Variants in RAD51 observed in about 807,000 individuals in gnomAD.
RAD51 encodes RAD51 recombinase, also known as DNA repair protein RAD51 homolog 1.
Under a neutral mutation model 41.5 loss-of-function variants are expected in RAD51, and 14 were observed. The ratio of observed to expected loss-of-function variants is 0.34; its 90% CI spans 0.22 to 0.53. The LOEUF (loss-of-function observed/expected upper bound fraction) is 0.53. Ranked by LOEUF, RAD51 falls within the 20% of genes least tolerant of loss-of-function variation. The probability of loss-of-function intolerance (pLI) is 0.95; values close to 1 mark genes in which losing one functional copy is unlikely to be tolerated. For synonymous variants in RAD51, 136 were observed against 148.6 expected (o/e 0.92, Z 0.62); for missense variants, 234 against 422.0 (o/e 0.55, Z 3.90).
At chr15:40,701,946 G>A (rs771052088) in intron 3 of RAD51, 2 of 305,412 alleles carry the variant, frequency 6.5e-6, no homozygotes, top group South Asian at 2.5e-5. Flanking sequence ...ACCACACCCA[G>A]CTAATTTTTG....
At chr15:40,711,936 G>A (rs759537408) in intron 5 of RAD51, among the ~76,000 whole-genome samples, 1 of 151,948 alleles carries the variant, frequency 6.6e-6, no homozygotes, top group African/African-American at 2.4e-5. Flanking sequence ...TTAGCCAGAC[G>A]TGGGCTGTGC....
chr15:40,729,772 T>G lies in RAD51; in HGVS notation c.775-81T>G, dbSNP rs867343661. On this transcript the variant is annotated intron_variant, in intron 8 of 9. Coordinates refer to ENST00000267868, the MANE Select transcript of RAD51 (RefSeq NM_002875.5). The stretch of plus-strand genomic sequence containing the variant: ...AGAGAGACATTAGTTATTCGTTATT[T>G]TGTGGGGGAAAGTGGTGGCAGCATT... 2.5e-5 allele frequency: 41 copies of G among 1,611,696 alleles called. No homozygotes were observed. The Admixed American group carries it at 4.3e-4, about 17-fold the overall frequency.
At chr15:40,720,384 T>C (rs1896210152) in intron 6 of RAD51, among the ~76,000 whole-genome samples, 1 of 151,990 alleles carries the variant, frequency 6.6e-6, no homozygotes, top group Non-Finnish European at 1.5e-5. Flanking sequence ...CACCCGGCCT[T>C]AATGGTGAAA....
chr15:40,718,836 A>G lies in RAD51; in HGVS notation c.467A>G (p.Lys156Arg). The change falls in exon 6 of 10, where the codon AAG becomes AGG. Residue 156 changes from lysine (K) to arginine (R), a missense_variant. Physicochemically the swap from Lys to Arg is conservative, Grantham distance 26. Transcript: ENST00000267868. ...LPIDRGGGEG[K>R]AMYIDTEGTF... is the part of the protein sequence containing the mutation. ...ATTGACCGGGGTGGAGGTGAAGGAAAGGCCATGTACATTGACACTGAGGGT... is the reference window on the plus strand; with the variant it reads ...ATTGACCGGGGTGGAGGTGAAGGAAGGGCCATGTACATTGACACTGAGGGT... 1 of 1,613,490 alleles carries G rather than the reference A, an allele frequency of 6.2e-7. No individual in the cohort carries two copies. Among genetic ancestry groups the G allele is most frequent in the Non-Finnish European group, 8.5e-7 (1 of 1,179,510 alleles).
chr15:40,701,352 TTTTCTTTTCTTTTTTTTTTCTTTC>T lies in RAD51; in HGVS notation c.225+155_225+178del. On this transcript the variant is annotated intron_variant, in intron 3 of 9. Coordinates refer to ENST00000267868, the MANE Select transcript of RAD51 (RefSeq NM_002875.5). Reference sequence around the variant, plus strand: ...GTTACCTGTTTCTTTTCTTCTTTTCTTTTCTTTTCTTTTTTTTTTCTTTCTTTTTTTTTTTTTTTGGAGACGGGT... The same window carrying T: ...GTTACCTGTTTCTTTTCTTCTTTTCTTTTTTTTTTTTTTTTGGAGACGGGT... 9.2e-6 allele frequency: 8 copies of T among 872,278 alleles called. No individual in the cohort carries two copies. The South Asian group carries it at 1.0e-4, about 11-fold the overall frequency. The allele number at this position is 872,278 out of a possible 1,614,324, so 54.0% of individuals were successfully genotyped here.
chr15:40,708,171 C>T (rs1567042548), intron 4 of RAD51, among the ~76,000 whole-genome samples: 1 of 151,502 alleles, frequency 6.6e-6, no homozygotes, highest in Non-Finnish European at 1.5e-5. Context: ...GCATGCACCA[C>T]CATGCCCAGC....
At chr15:40,697,578 T>C (rs143108093) in intron 1 of RAD51, among the ~76,000 whole-genome samples, 23 of 139,706 alleles carry the variant, frequency 1.6e-4, no homozygotes, top group Non-Finnish European at 2.8e-4. Flanking sequence ...ATATTTCTTT[T>C]TTTTTTTTTT....
At chr15:40,709,000 G>C in intron 4 of RAD51, 25 bp from the exon 5 acceptor site, 2 of 1,563,314 alleles carry the variant, frequency 1.3e-6, no homozygotes, top group African/African-American at 1.4e-5. Context: ...ATTATGCTAA[G>C]AGTTATTTCT....
At chr15:40,715,109 G>C (rs1895920067) in intron 5 of RAD51, among the ~76,000 whole-genome samples, 1 of 152,244 alleles carries the variant, frequency 6.6e-6, no homozygotes, top group African/African-American at 2.4e-5. Context: ...TGTAATCCCA[G>C]CACTTTGGGA....
intron 6 of RAD51, among the ~76,000 whole-genome samples, chr15:40,726,224 T>A (rs1278568604): frequency 6.7e-6 from 1 of 149,468 alleles, no homozygotes; most frequent in Non-Finnish European, 1.5e-5. Flanking sequence ...ATTCATTGAG[T>A]CTAGGTTAGG....
chr15:40,710,667 T>C (rs1895662050), intron 5 of RAD51, among the ~76,000 whole-genome samples: 1 of 152,180 alleles, frequency 6.6e-6, no homozygotes, highest in African/African-American at 2.4e-5. Context: ...TCTTCTGTTA[T>C]CAGAACTTTA....
chr15:40,710,803 C>T (rs1895667768), intron 5 of RAD51, among the ~76,000 whole-genome samples: 1 of 152,096 alleles, frequency 6.6e-6, no homozygotes, highest in African/African-American at 2.4e-5. Flanking sequence ...TTCTCAAAGG[C>T]CCATTCTATC....
chr15:40,729,819 G>T lies in RAD51; in HGVS notation c.775-34G>T, dbSNP rs1896778990. The T allele has an allele frequency of 4.3e-6, 7 of 1,614,000 alleles. No individual in the cohort carries two copies. The Admixed American group carries it at 1.2e-4, about 27-fold the overall frequency. On this transcript the variant is annotated intron_variant, in intron 8 of 9. Transcript: ENST00000267868. ...CATTAAGGCTTTTGGAGTGTCTATG[G>T]CCACAAAATTGACATTTATCCTTTC...
At chr15:40,695,161 A>T (rs1383382189), upstream of RAD51, 1 of 152,172 alleles carries the variant, frequency 6.6e-6, no homozygotes, top group African/African-American at 2.4e-5. Context: ...CCTGGGCGAG[A>T]GGGTTTGGCG....
intron 6 of RAD51, 41 bp downstream of exon 6, chr15:40,718,940 T>G (rs369783533): frequency 6.6e-7 from 1 of 1,522,294 alleles, no homozygotes; most frequent in Non-Finnish European, 9.1e-7. Flanking sequence ...TGGCTACACT[T>G]ATCAATGTAG....
At chr15:40,726,861 C>T (rs956031564) in intron 6 of RAD51, among the ~76,000 whole-genome samples, 10 of 149,328 alleles carry the variant, frequency 6.7e-5, no homozygotes, top group Non-Finnish European at 1.0e-4. Flanking sequence ...TGCAATGAGC[C>T]GAGATCGTGC....
intron 4 of RAD51, 45 bp downstream of exon 4, chr15:40,706,339 G>C (rs753488138): frequency 7.0e-7 from 1 of 1,430,346 alleles, no homozygotes; most frequent in Admixed American, 1.7e-5. Flanking sequence ...AGTTAGGAAA[G>C]CTTCCAGGTT....
intron 3 of RAD51, among the ~76,000 whole-genome samples, chr15:40,702,447 G>A (rs1397287435): frequency 6.6e-6 from 1 of 152,094 alleles, no homozygotes; most frequent in Non-Finnish European, 1.5e-5. Context: ...ATAGACTTAC[G>A]TGTCTTTACT....
chr15:40,700,227 G>C (rs1016079834), intron 2 of RAD51, among the ~76,000 whole-genome samples: 28 of 152,186 alleles, frequency 1.8e-4, no homozygotes, highest in African/African-American at 6.8e-4. Context: ...GGTGGCTAAT[G>C]AAACCAAAGC....
Sources: gnomAD v4.1 joint callset for allele counts (sites outside exome capture counted in the v4.1 genomes callset) on GRCh38, gnomAD v4.1.1 for gene constraint, MANE v1.5 for transcripts, NCBI Gene and HGNC (gene_info 2026-07-23, HGNC 2026-07-21) for gene names.